Variants in ABCC4 observed in about 807,000 individuals in gnomAD.
The protein encoded by ABCC4 is ATP binding cassette subfamily C member 4 (PEL blood group), also known as ATP-binding cassette sub-family C member 4.
A neutral mutation model predicts 168.5 loss-of-function variants in ABCC4; 102 were observed. The ratio of observed to expected loss-of-function variants is 0.61; its 90% confidence interval spans 0.52 to 0.71. The LOEUF (loss-of-function observed/expected upper bound fraction) is 0.71, where lower values mean the gene tolerates loss of function less well. ABCC4 is among the 30% of genes least tolerant of loss of function. The pLI is 0.00. For missense variants in ABCC4, 1,402 were observed against 1,605.8 expected (o/e 0.87, Z 2.17); for synonymous variants, 617 against 590.7 (o/e 1.04, Z -0.65).
At chr13:95,108,372 A>T (rs1035030616) in intron 20 of ABCC4, among the ~76,000 whole-genome samples, 5 of 152,206 alleles carry the variant, frequency 3.3e-5, no homozygotes, top group Admixed American at 3.3e-4. Flanking sequence ...CCCAAATCTC[A>T]TCTTGAACTG....
chr13:95,230,920 A>G (rs1453412094), intron 4 of ABCC4, among the ~76,000 whole-genome samples: 1 of 152,270 alleles, frequency 6.6e-6, no homozygotes, highest in Non-Finnish European at 1.5e-5. Context: ...AAAATGAGGC[A>G]TATCCAAATA....
intron 13 of ABCC4, among the ~76,000 whole-genome samples, chr13:95,175,935 T>A (rs569569282): frequency 3.0e-4 from 46 of 152,064 alleles, no homozygotes; most frequent in African/African-American, 1.1e-3. Flanking sequence ...ACCTTCTCTA[T>A]CCCCCACCAC....
rs117790575 is a variant in ABCC4, at chr13:95,104,061, T to C, written c.2535+11861A>G. Reference sequence around the variant, plus strand: ...AACTTGTATTTGGCCAGCATGGAAATAAGGGATACACAATACAAAATCCTT... The same window carrying C: ...AACTTGTATTTGGCCAGCATGGAAACAAGGGATACACAATACAAAATCCTT... On this transcript the variant is annotated intron_variant, in intron 20 of 30. Coordinates refer to ENST00000645237, the MANE Select transcript of ABCC4 (RefSeq NM_005845.5). 4.6e-5 allele frequency among the ~76,000 whole-genome samples: 7 copies of C among 152,248 alleles called. No individual in the cohort carries two copies. In the East Asian group the frequency reaches 1.4e-3, roughly 29 times the overall value.
Position 95,075,525 on chromosome 13 carries a change from A to AC in ABCC4, c.2712_2713insG (p.Ser905ValfsTer24). 1.2e-6 allele frequency: 2 copies of AC among 1,614,116 alleles called. No individual in the cohort carries two copies. Among genetic ancestry groups the AC allele is most frequent in the Non-Finnish European group, 1.7e-6 (2 of 1,179,990 alleles). Reference sequence around the variant, plus strand: ...GTCCAGAGCCCCTGGAGAGAAGATGATAAGTGGGAAAACACTGGACTCCGA... The same window carrying AC: ...GTCCAGAGCCCCTGGAGAGAAGATGACTAAGTGGGAAAACACTGGACTCCGA... On this transcript the variant is annotated frameshift_variant, in exon 22 of 31. Transcript: ENST00000645237. LOFTEE classifies it high-confidence loss of function.
At chr13:95,069,308 C>T (rs1470857454) in intron 25 of ABCC4, among the ~76,000 whole-genome samples, 6 of 151,978 alleles carry the variant, frequency 3.9e-5, no homozygotes, top group East Asian at 1.9e-4. Context: ...GGTACAGAGA[C>T]GAATATAAAA....
intron 14 of ABCC4, among the ~76,000 whole-genome samples, chr13:95,169,428 G>A (rs2139569457): frequency 6.6e-6 from 1 of 152,254 alleles, no homozygotes; most frequent in South Asian, 2.1e-4. Flanking sequence ...CTCTGTCCTA[G>A]TTCCAGGGCC....
At chr13:95,109,595 T>A (rs1294899849) in intron 20 of ABCC4, among the ~76,000 whole-genome samples, 1 of 152,220 alleles carries the variant, frequency 6.6e-6, no homozygotes, top group Non-Finnish European at 1.5e-5. Flanking sequence ...GGCTGCACTG[T>A]GAGAAGAGGG....
chr13:95,195,697 G>A (rs1330439857), intron 8 of ABCC4, among the ~76,000 whole-genome samples: 2 of 152,034 alleles, frequency 1.3e-5, no homozygotes, highest in African/African-American at 2.4e-5. Context: ...AGCATGGCAC[G>A]ATCTCGGTTC....
At chr13:95,171,202 C>G (rs1235660389) in intron 13 of ABCC4, among the ~76,000 whole-genome samples, 1 of 151,434 alleles carries the variant, frequency 6.6e-6, no homozygotes, top group Non-Finnish European at 1.5e-5. Flanking sequence ...ATCCAGGAAG[C>G]AAAACTTCTC....
chr13:95,234,577 T>G, intron 4 of ABCC4, 33 bp downstream of exon 4: 60 of 1,553,856 alleles, frequency 3.9e-5, no homozygotes, highest in Non-Finnish European at 5.1e-5. Flanking sequence ...ATGCTTCAGG[T>G]GAGGTACATG....
chr13:95,084,972 G>C lies in ABCC4; in HGVS notation c.2536-1682C>G, dbSNP rs1357156303. On this transcript the variant is annotated intron_variant, in intron 20 of 30. Coordinates refer to ENST00000645237, the MANE Select transcript of ABCC4 (RefSeq NM_005845.5). ...CACGGTCTATGGCTTCGGGAAATAT[G>C]AGTGCAACTCAAGTTAGTCCCTACC... Among the ~76,000 whole-genome samples the C allele has an allele frequency of 3.9e-5, 6 of 152,362 alleles. No individual in the cohort carries two copies. The East Asian group carries it at 1.2e-3, about 29-fold the overall frequency.
intron 26 of ABCC4, among the ~76,000 whole-genome samples, chr13:95,060,930 G>C (rs935123997): frequency 6.6e-6 from 1 of 152,068 alleles, no homozygotes; most frequent in Non-Finnish European, 1.5e-5. Context: ...CCCTGGTGAC[G>C]ACGCTTCTCC....
At chr13:95,094,785 G>A (rs1269463966) in intron 20 of ABCC4, among the ~76,000 whole-genome samples, 1 of 151,636 alleles carries the variant, frequency 6.6e-6, no homozygotes, top group East Asian at 1.9e-4. Flanking sequence ...TGACAAAGGA[G>A]TAATATCCAG....
chr13:95,029,567 T>C (rs904383235), intron 30 of ABCC4, among the ~76,000 whole-genome samples: 4 of 152,242 alleles, frequency 2.6e-5, no homozygotes, highest in Admixed American at 2.0e-4. Context: ...TATCAATGCT[T>C]TGAATTTTGT....
chr13:95,025,255 A>ACC (rs1566351066), intron 30 of ABCC4, among the ~76,000 whole-genome samples: 1 of 32,010 alleles, frequency 3.1e-5, no homozygotes, highest in East Asian at 9.5e-4. Context: ...ACCCACACAC[A>ACC]CACACACCCC....
intron 26 of ABCC4, among the ~76,000 whole-genome samples, chr13:95,060,932 C>G (rs542850783): frequency 6.6e-6 from 1 of 152,136 alleles, no homozygotes; most frequent in East Asian, 1.9e-4. Context: ...CTGGTGACGA[C>G]GCTTCTCCTT....
chr13:95,083,438 A>T, intron 20 of ABCC4, 148 bp from the exon 21 acceptor site: 2 of 898,606 alleles, frequency 2.2e-6, no homozygotes, highest in Non-Finnish European at 3.3e-6. Flanking sequence ...GAATAACAAA[A>T]GTATAGGTGG....
At chr13:95,193,304 G>A (rs2038316183) in intron 9 of ABCC4, among the ~76,000 whole-genome samples, 2 of 152,188 alleles carry the variant, frequency 1.3e-5, no homozygotes, top group South Asian at 4.1e-4. Context: ...GAGAGGGGAG[G>A]AGCTGGTCAC....
intron 25 of ABCC4, among the ~76,000 whole-genome samples, chr13:95,069,140 C>G (rs532187680): frequency 1.1e-3 from 169 of 152,290 alleles, no homozygotes; most frequent in African/African-American, 4.0e-3. Flanking sequence ...GTGGGAAGAG[C>G]TGAAAAGAGC....
Sources: gnomAD v4.1 joint callset for allele counts (sites outside exome capture counted in the v4.1 genomes callset) on GRCh38, gnomAD v4.1.1 for gene constraint, MANE v1.5 for transcripts, NCBI Gene and HGNC (gene_info 2026-07-23, HGNC 2026-07-21) for gene names.